Variants in KIT observed in about 807,000 individuals in gnomAD.
KIT encodes KIT proto-oncogene, receptor tyrosine kinase.
Under a neutral mutation model 105.7 loss-of-function variants are expected in KIT, and 16 were observed. The observed-to-expected ratio is 0.15, with a 90% CI of 0.10 to 0.23. The LOEUF (loss-of-function observed/expected upper bound fraction) is 0.23, where lower values mean the gene tolerates loss of function less well. KIT is among the 10% of genes least tolerant of loss of function. The pLI, the probability that KIT is intolerant of heterozygous loss-of-function variation, is 1.00. For missense variants in KIT, 858 were observed against 1,213.8 expected, an observed-to-expected ratio of 0.71 and a Z score of 4.36; for synonymous variants, 438 against 441.1, an observed-to-expected ratio of 0.99 and a Z score of 0.09.
intron 7 of KIT, among the ~76,000 whole-genome samples, chr4:54,715,853 T>C (rs932463646): frequency 6.6e-6 from 1 of 152,166 alleles, no homozygotes; most frequent in Non-Finnish European, 1.5e-5. Context: ...ACTACCTTTA[T>C]CCAGAGTAAA....
intron 7 of KIT, among the ~76,000 whole-genome samples, chr4:54,719,854 A>G (rs1721750886): frequency 6.6e-6 from 1 of 152,192 alleles, no homozygotes; most frequent in Admixed American, 6.5e-5. Context: ...CTCATTCTTT[A>G]TGCATTAAAC....
intron 8 of KIT, 86 bp downstream of exon 8, chr4:54,723,784 T>C (rs756531894): frequency 1.3e-5 from 12 of 923,212 alleles, no homozygotes; most frequent in Non-Finnish European, 2.1e-5. Flanking sequence ...TTCTGATTTT[T>C]TTTAAAAAAG....
At chr4:54,724,087 T>A (rs1343046139) in intron 8 of KIT, among the ~76,000 whole-genome samples, 3 of 152,208 alleles carry the variant, frequency 2.0e-5, no homozygotes, top group African/African-American at 7.2e-5. Flanking sequence ...ATTGCCAAGT[T>A]ACCAAAAAGT....
intron 17 of KIT, among the ~76,000 whole-genome samples, chr4:54,735,194 C>T (rs527686425): frequency 2.6e-5 from 4 of 152,018 alleles, no homozygotes; most frequent in East Asian, 1.9e-4. Context: ...TAGAAATTAG[C>T]GAAAATAAGG....
intron 5 of KIT, among the ~76,000 whole-genome samples, chr4:54,706,533 GA>G (rs1720804105): frequency 1.3e-5 from 2 of 152,068 alleles, no homozygotes; most frequent in Middle Eastern, 3.4e-3. Flanking sequence ...AAAAAGCCTA[GA>G]AACTTCCCCT....
At chr4:54,730,358 A>C (rs1202183466) in intron 14 of KIT, among the ~76,000 whole-genome samples, 4 of 152,102 alleles carry the variant, frequency 2.6e-5, no homozygotes, top group African/African-American at 9.7e-5. Context: ...TTGCCTCCTG[A>C]ACTCTTAACA....
intron 1 of KIT, 123 bp from the exon 2 acceptor site, chr4:54,695,386 TAGC>T (rs1189279517): frequency 1.0e-6 from 1 of 961,696 alleles, no homozygotes; most frequent in Non-Finnish European, 1.6e-6. Flanking sequence ...CAGCCATAAA[TAGC>T]AGGGCAGCTT....
chr4:54,696,705 A>T (rs906225653), intron 2 of KIT, among the ~76,000 whole-genome samples: 5 of 152,264 alleles, frequency 3.3e-5, no homozygotes, highest in African/African-American at 1.2e-4. Context: ...GGGAGCCAGG[A>T]TGGTACAAAT....
intron 7 of KIT, among the ~76,000 whole-genome samples, chr4:54,719,160 T>G (rs1490993415): frequency 6.6e-6 from 1 of 152,218 alleles, no homozygotes; most frequent in Non-Finnish European, 1.5e-5. Flanking sequence ...CTGCTGATTA[T>G]AAAATATGGG....
intron 1 of KIT, among the ~76,000 whole-genome samples, chr4:54,670,820 A>C (rs560106917): frequency 6.6e-6 from 1 of 152,196 alleles, no homozygotes; most frequent in Non-Finnish European, 1.5e-5. Context: ...GGAATTGTAC[A>C]GAGCGGGCTT....
chr4:54,695,817 A>T lies in KIT; in HGVS notation c.337+36A>T, dbSNP rs758500337. The T allele has an allele frequency of 1.3e-5, 21 of 1,612,512 alleles. No homozygotes were observed. The East Asian group carries it at 4.7e-4, about 36-fold the overall frequency. On this transcript the variant is annotated intron_variant, in intron 2 of 20. Transcript: ENST00000288135. The stretch of plus-strand genomic sequence containing the variant: ...GGCTTTCTGCAGTGCTGTGCTTTCA[A>T]GAATTTAATATCCTGCTCTTAATTT...
At chr4:54,719,097 C>G (rs1371950165) in intron 7 of KIT, among the ~76,000 whole-genome samples, 2 of 152,130 alleles carry the variant, frequency 1.3e-5, no homozygotes, top group African/African-American at 2.4e-5. Context: ...CTTATGATCC[C>G]TCTTCATTTA....
intron 7 of KIT, among the ~76,000 whole-genome samples, chr4:54,711,118 C>T (rs1396823751): frequency 2.6e-5 from 4 of 152,080 alleles, no homozygotes; most frequent in South Asian, 2.1e-4. Flanking sequence ...TGGACTAAAG[C>T]GATCCTTCTG....
intron 1 of KIT, among the ~76,000 whole-genome samples, chr4:54,679,624 A>T (rs939662370): frequency 3.3e-5 from 5 of 152,160 alleles, no homozygotes; most frequent in African/African-American, 1.2e-4. Context: ...GTACTGATTT[A>T]CCCATTATAA....
chr4:54,707,939 C>T (rs904011084), intron 6 of KIT, among the ~76,000 whole-genome samples: 9 of 152,118 alleles, frequency 5.9e-5, no homozygotes, highest in African/African-American at 1.2e-4. Context: ...CAAGACCGAA[C>T]GGCTAATAAG....
chr4:54,710,931 C>T (rs1721117062), intron 7 of KIT, among the ~76,000 whole-genome samples: 2 of 152,106 alleles, frequency 1.3e-5, no homozygotes, highest in African/African-American at 2.4e-5. Context: ...TCTCTGTCAC[C>T]CAGGCTGGAG....
intron 4 of KIT, 133 bp downstream of exon 4, chr4:54,699,899 G>C: frequency 1.1e-6 from 1 of 901,386 alleles, no homozygotes; most frequent in Non-Finnish European, 1.8e-6. Context: ...GGAGAGTGTT[G>C]GGATTGCATA....
intron 6 of KIT, among the ~76,000 whole-genome samples, chr4:54,708,864 G>A (rs755449546): frequency 3.9e-5 from 6 of 152,182 alleles, no homozygotes; most frequent in Admixed American, 6.5e-5. Context: ...GCCCTATATG[G>A]CGGTCCTGCA....
intron 1 of KIT, among the ~76,000 whole-genome samples, chr4:54,673,073 G>A (rs894276475): frequency 1.6e-4 from 24 of 152,142 alleles, no homozygotes; most frequent in Admixed American, 1.6e-3. Flanking sequence ...CCAAAGGAAT[G>A]TTTTTCCACC....
Sources: allele counts gnomAD v4.1 joint callset (sites outside exome capture counted in the v4.1 genomes callset), GRCh38; gene constraint gnomAD v4.1.1; transcripts MANE v1.5; gene names NCBI Gene and HGNC (gene_info 2026-07-23, HGNC 2026-07-21).